Variants in ANKS1B observed in about 807,000 individuals in gnomAD.
ANKS1B encodes ankyrin repeat and sterile alpha motif domain-containing protein 1B.
In ANKS1B, 36 loss-of-function variants were observed where a neutral mutation model predicts 148.3. The observed-to-expected ratio is 0.24, with a 90% CI of 0.19 to 0.32. The LOEUF (loss-of-function observed/expected upper bound fraction) is 0.32. Ranked by LOEUF, ANKS1B falls within the 10% of genes least tolerant of loss-of-function variation. ANKS1B has a pLI of 1.00. For missense variants in ANKS1B, 1,157 were observed against 1,542.6 expected (o/e 0.75, Z 4.19); for synonymous variants, 542 against 560.8 (o/e 0.97, Z 0.47).
At chr12:99,665,926 T>A (rs1359581354) in intron 8 of ANKS1B, among the ~76,000 whole-genome samples, 1 of 152,230 alleles carries the variant, frequency 6.6e-6, no homozygotes, top group Non-Finnish European at 1.5e-5. Flanking sequence ...TTTTCTTCCA[T>A]AAGTTTAAGA....
chr12:99,928,571 C>T (rs1432632021), intron 1 of ANKS1B, among the ~76,000 whole-genome samples: 1 of 152,184 alleles, frequency 6.6e-6, no homozygotes, highest in Non-Finnish European at 1.5e-5. Context: ...AGCCACCGCG[C>T]CTGGCCTCAC....
chr12:99,380,754 CTCCTTCCTTCCTTCCTTCCTTCCT>C (rs144164931), intron 12 of ANKS1B, among the ~76,000 whole-genome samples: 5 of 132,832 alleles, frequency 3.8e-5, no homozygotes, highest in Non-Finnish European at 3.2e-5. Flanking sequence ...GTTTCCTTTC[CTCCTTCCTTCCTTCCTTCCTTCCT>C]TCCTTCCTTC....
At chr12:99,663,069 T>G (rs1486642425) in intron 8 of ANKS1B, among the ~76,000 whole-genome samples, 1 of 152,150 alleles carries the variant, frequency 6.6e-6, no homozygotes, top group Non-Finnish European at 1.5e-5. Flanking sequence ...TGTAATAGCA[T>G]GATATATCAT....
intron 1 of ANKS1B, among the ~76,000 whole-genome samples, chr12:99,844,380 A>G (rs533178370): frequency 2.6e-5 from 4 of 152,234 alleles, no homozygotes; most frequent in African/African-American, 9.6e-5. Context: ...TAGGCTCTAC[A>G]TTTAAGTCTT....
At chr12:99,176,288 GT>G (rs1036237776) in intron 14 of ANKS1B, among the ~76,000 whole-genome samples, 1 of 152,098 alleles carries the variant, frequency 6.6e-6, no homozygotes, top group East Asian at 1.9e-4. Context: ...CATTTACAAT[GT>G]TTTTTGTCTT....
chr12:99,748,807 T>C (rs1007925318), intron 8 of ANKS1B, among the ~76,000 whole-genome samples: 3 of 152,126 alleles, frequency 2.0e-5, no homozygotes, highest in African/African-American at 7.2e-5. Context: ...TTAAGGATTA[T>C]AGCTATTCAT....
intron 9 of ANKS1B, among the ~76,000 whole-genome samples, chr12:99,515,952 G>GGCA (rs1358696101): frequency 6.6e-6 from 1 of 152,090 alleles, no homozygotes; most frequent in African/African-American, 2.4e-5. Flanking sequence ...TTTGCCATTT[G>GGCA]TATGTCTTCT....
chr12:98,964,917 C>T (rs2099876507), intron 17 of ANKS1B, among the ~76,000 whole-genome samples: 2 of 151,790 alleles, frequency 1.3e-5, no homozygotes, highest in African/African-American at 4.8e-5. Flanking sequence ...TTTGATAGCA[C>T]AACAGGTTAA....
chr12:98,818,604 AG>A (rs1405663981), intron 19 of ANKS1B, among the ~76,000 whole-genome samples: 1 of 152,182 alleles, frequency 6.6e-6, no homozygotes, highest in Admixed American at 6.5e-5. Context: ...AACGTTTTTC[AG>A]GGCCACTAAA....
chr12:99,587,852 T>C (rs2097658987), intron 9 of ANKS1B, among the ~76,000 whole-genome samples: 1 of 152,066 alleles, frequency 6.6e-6, no homozygotes, highest in South Asian at 2.1e-4. Flanking sequence ...TGAGATAGAA[T>C]TGGGGTGAAT....
chr12:99,649,402 C>T (rs778705221), intron 9 of ANKS1B: 2 of 1,597,876 alleles, frequency 1.3e-6, no homozygotes, highest in East Asian at 4.5e-5. Flanking sequence ...GATATGAATC[C>T]AACATACCTC....
intron 23 of ANKS1B, among the ~76,000 whole-genome samples, chr12:98,781,733 G>C (rs1015943472): frequency 6.6e-6 from 1 of 152,096 alleles, no homozygotes; most frequent in Non-Finnish European, 1.5e-5. Context: ...TCTTGAACTG[G>C]ACCAAATCCA....
chr12:99,955,738 C>A (rs917547838), intron 1 of ANKS1B, among the ~76,000 whole-genome samples: 2 of 152,120 alleles, frequency 1.3e-5, no homozygotes, highest in Non-Finnish European at 2.9e-5. Context: ...TCTAACAGTT[C>A]TTTCATTCAG....
chr12:99,652,843 T>C (rs987795684), intron 9 of ANKS1B, among the ~76,000 whole-genome samples: 6 of 152,174 alleles, frequency 3.9e-5, no homozygotes, highest in South Asian at 4.1e-4. Flanking sequence ...TGGAAAGTCA[T>C]AGGAAAACTA....
chr12:99,079,659 G>C (rs1431439350), intron 16 of ANKS1B: 1 of 152,232 alleles, frequency 6.6e-6, no homozygotes, highest in Admixed American at 6.5e-5. Context: ...GATGCAGAGA[G>C]TAACTACGTA....
At chr12:99,946,754 C>A (rs1346060775) in intron 1 of ANKS1B, among the ~76,000 whole-genome samples, 1 of 152,120 alleles carries the variant, frequency 6.6e-6, no homozygotes, top group African/African-American at 2.4e-5. Flanking sequence ...AGAGCCCTTA[C>A]ATGTTAACAG....
At chr12:99,516,995 TG>T (rs1248723687) in intron 9 of ANKS1B, among the ~76,000 whole-genome samples, 1 of 152,162 alleles carries the variant, frequency 6.6e-6, no homozygotes, top group Non-Finnish European at 1.5e-5. Flanking sequence ...TTGTTTCTTC[TG>T]GGTCTTTTGT....
rs545965966 is a variant in ANKS1B at position 99,467,930 on chromosome 12, A to G, written c.1439-24121T>C. 1.1e-3 allele frequency among the ~76,000 whole-genome samples: 169 copies of G among 152,312 alleles called. 1 individual carries two copies. Among genetic ancestry groups the G allele is most frequent in the Non-Finnish European group, 2.1e-3 (141 of 68,012 alleles). ...CAATGACTTTCTTCACATAATTGGA[A>G]AAAACTACTTTAAAGTTCATATGGA... On this transcript the variant is annotated intron_variant, in intron 10 of 26. Coordinates refer to ENST00000683438, the MANE Select transcript of ANKS1B (RefSeq NM_001352186.2).
chr12:99,656,730 C>A (rs1244889454), intron 8 of ANKS1B, among the ~76,000 whole-genome samples: 1 of 151,286 alleles, frequency 6.6e-6, no homozygotes, highest in South Asian at 2.1e-4. Context: ...TAAGAGCCTG[C>A]TGAATACTTA....
Sources: allele counts gnomAD v4.1 joint callset (sites outside exome capture counted in the v4.1 genomes callset), GRCh38; gene constraint gnomAD v4.1.1; transcripts MANE v1.5; gene names NCBI Gene and HGNC (gene_info 2026-07-23, HGNC 2026-07-21).